ADAM12: variants seen among roughly 807,000 people sequenced by gnomAD.
The protein encoded by ADAM12 is ADAM metallopeptidase domain 12.
Under a neutral mutation model 106.4 loss-of-function variants are expected in ADAM12, and 70 were observed. That is an observed-to-expected ratio of 0.66 (90% CI 0.54 to 0.80). ADAM12 has a LOEUF of 0.80. ADAM12 is among the 30% of genes least tolerant of loss of function. The pLI is 0.00. For synonymous variants in ADAM12, 420 were observed against 433.5 expected, an observed-to-expected ratio of 0.97 and a Z score of 0.39; for missense variants, 1,010 against 1,171.9, an observed-to-expected ratio of 0.86 and a Z score of 2.02.
intron 2 of ADAM12, among the ~76,000 whole-genome samples, chr10:126,319,163 A>G (rs1344709369): frequency 2.0e-5 from 3 of 152,222 alleles, no homozygotes; most frequent in Non-Finnish European, 2.9e-5. Context: ...TAGGGAGCAC[A>G]GACAAATCTC....
chr10:126,041,429 T>C (rs2133411404), intron 18 of ADAM12: 2 of 985,676 alleles, frequency 2.0e-6, no homozygotes, highest in Non-Finnish European at 2.4e-6. Flanking sequence ...TTAACATTCT[T>C]ACTTGTTAAA....
At chr10:126,112,547 C>T (rs1156615283) in intron 6 of ADAM12, among the ~76,000 whole-genome samples, 1 of 152,076 alleles carries the variant, frequency 6.6e-6, no homozygotes, top group Non-Finnish European at 1.5e-5. Context: ...GAACCAGTTC[C>T]TGGGCCTCTC....
At position 126,013,443 on chromosome 10, in the gene ADAM12, C is replaced by T. The variant is rs1953603203; in HGVS notation, c.*3836G>A. ...AAGTTGATTTTCTGTGGCTAACTTCCCCTTCTAATTAGAACAAGACATTGG... is the reference window on the plus strand; with the variant it reads ...AAGTTGATTTTCTGTGGCTAACTTCTCCTTCTAATTAGAACAAGACATTGG... On this transcript the variant is annotated 3_prime_UTR_variant, in exon 23 of 23. Coordinates refer to ENST00000448723, the MANE Select transcript of ADAM12 (RefSeq NM_001288973.2). The surrounding 1 kb of genome is among the most constrained non-coding windows in gnomAD (Gnocchi z 4.3). The T allele has an allele frequency of 6.6e-6, 1 of 152,142 alleles. No homozygotes were observed. The highest frequency in any genetic ancestry group is 1.5e-5 in the Non-Finnish European group (1 of 68,028). The allele number at this position is 152,142 out of a possible 1,614,324, so 9.4% of individuals were successfully genotyped here.
intron 1 of ADAM12, among the ~76,000 whole-genome samples, chr10:126,374,778 G>A (rs1856221602): frequency 6.6e-6 from 1 of 152,154 alleles, no homozygotes. Flanking sequence ...AAACGGCAAG[G>A]CAGTAATTAA....
At chr10:126,369,864 T>C (rs1019370462) in intron 1 of ADAM12, among the ~76,000 whole-genome samples, 1 of 152,170 alleles carries the variant, frequency 6.6e-6, no homozygotes, top group African/African-American at 2.4e-5. Context: ...AGTCACTAGG[T>C]TAAGAGACTT....
chr10:126,274,264 C>G (rs1293540460), intron 3 of ADAM12, among the ~76,000 whole-genome samples: 2 of 152,168 alleles, frequency 1.3e-5, no homozygotes, highest in Non-Finnish European at 2.9e-5. Flanking sequence ...TGATGTCAGG[C>G]TTGCAACGGC....
At chr10:126,335,168 A>G (rs943805872) in intron 1 of ADAM12, among the ~76,000 whole-genome samples, 1 of 152,232 alleles carries the variant, frequency 6.6e-6, no homozygotes, top group Non-Finnish European at 1.5e-5. Flanking sequence ...TCATTTGAAA[A>G]TGCCAGTGTA....
intron 3 of ADAM12, among the ~76,000 whole-genome samples, chr10:126,175,734 G>A (rs1017263623): frequency 3.9e-5 from 6 of 152,188 alleles, no homozygotes; most frequent in Non-Finnish European, 5.9e-5. Context: ...TCGTTCCATC[G>A]GAATGCCCAG....
chr10:126,113,714 ATATATATATATATATAT>A (rs1565067755), intron 6 of ADAM12, among the ~76,000 whole-genome samples: 1,506 of 86,338 alleles, frequency 0.017, 92 homozygotes, highest in East Asian at 0.091. Context: ...ATATATATAT[ATATATATATATATATAT>A]AATATATTGC....
At chr10:126,364,561 AAGAAAAATAACT>A in intron 1 of ADAM12, among the ~76,000 whole-genome samples, 1 of 152,274 alleles carries the variant, frequency 6.6e-6, no homozygotes, top group East Asian at 1.9e-4. Context: ...ATGACAAGGG[AAGAAAAATAACT>A]AGAAAAATAA....
chr10:126,165,711 A>G (rs1044139831), intron 3 of ADAM12, among the ~76,000 whole-genome samples: 5 of 152,218 alleles, frequency 3.3e-5, no homozygotes, highest in African/African-American at 1.2e-4. Context: ...CGGTCTGAAA[A>G]ATAAGCAGCA....
intron 14 of ADAM12, among the ~76,000 whole-genome samples, chr10:126,054,864 G>T (rs1954594048): frequency 6.6e-6 from 1 of 152,114 alleles, no homozygotes; most frequent in South Asian, 2.1e-4. Context: ...TTTAGGGCTG[G>T]GGGTGTGTGT....
At chr10:126,125,596 T>G (rs1369599882) in intron 5 of ADAM12, among the ~76,000 whole-genome samples, 1 of 151,986 alleles carries the variant, frequency 6.6e-6, no homozygotes, top group Admixed American at 6.6e-5. Context: ...GCAGATAACA[T>G]GAGCCCATTT....
intron 1 of ADAM12, among the ~76,000 whole-genome samples, chr10:126,339,519 C>T (rs1854843280): frequency 6.6e-6 from 1 of 152,186 alleles, no homozygotes; most frequent in African/African-American, 2.4e-5. Context: ...AAAGATGCTC[C>T]TAGTACTTAA....
intron 17 of ADAM12, among the ~76,000 whole-genome samples, chr10:126,044,647 C>T (rs1299684677): frequency 6.6e-6 from 1 of 152,178 alleles, no homozygotes; most frequent in African/African-American, 2.4e-5. Context: ...GAGTATATGT[C>T]TCCCATGTAA....
At chr10:126,308,874 C>A (rs1242758745) in intron 2 of ADAM12, among the ~76,000 whole-genome samples, 1 of 152,166 alleles carries the variant, frequency 6.6e-6, no homozygotes, top group Non-Finnish European at 1.5e-5. Context: ...GATCTTATCC[C>A]TTACCAGTCC....
intron 6 of ADAM12, among the ~76,000 whole-genome samples, chr10:126,112,915 T>C (rs1435779369): frequency 6.6e-6 from 1 of 152,124 alleles, no homozygotes; most frequent in African/African-American, 2.4e-5. Context: ...GAAACTCATA[T>C]TCAGGAAACC....
At chr10:126,364,197 T>C (rs1290211314) in intron 1 of ADAM12, among the ~76,000 whole-genome samples, 2 of 151,948 alleles carry the variant, frequency 1.3e-5, no homozygotes, top group Non-Finnish European at 2.9e-5. Flanking sequence ...AATCATAAAC[T>C]CACATCTTAA....
rs1956681152 is a variant in ADAM12, at chr10:126,149,045, C to T, written c.339+6182G>A. 2.6e-5 allele frequency among the ~76,000 whole-genome samples: 4 copies of T among 152,334 alleles called. No individual in the cohort carries two copies. The South Asian group carries it at 8.3e-4, about 32-fold the overall frequency. ...ACCAGGGATTTTCAGGGCCTGTCTC[C>T]TCCCACCCTCTTCCCTGTAAAGAGA... On this transcript the variant is annotated intron_variant, in intron 4 of 22. Coordinates refer to ENST00000448723, the MANE Select transcript of ADAM12 (RefSeq NM_001288973.2).
Sources: allele counts gnomAD v4.1 joint callset (sites outside exome capture counted in the v4.1 genomes callset), GRCh38; gene constraint gnomAD v4.1.1; non-coding constraint Gnocchi (gnomAD v3.1); transcripts MANE v1.5; gene names NCBI Gene and HGNC (gene_info 2026-07-23, HGNC 2026-07-21).